SLC6A18: variants seen among roughly 807,000 people sequenced by gnomAD.
The protein encoded by SLC6A18 is inactive sodium-dependent neutral amino acid transporter B(0)AT3.
SLC6A18 carries 58 observed loss-of-function variants against 62.9 expected under a neutral mutation model. The ratio of observed to expected loss-of-function variants is 0.92; its 90% CI spans 0.75 to 1.15. The LOEUF is 1.15. Among genes scored for constraint, SLC6A18 ranks in the 50% most tolerant of loss-of-function variants. The probability of loss-of-function intolerance (pLI) is 0.00; values close to 1 mark genes in which losing one functional copy is unlikely to be tolerated. For synonymous variants in SLC6A18, 382 were observed against 365.8 expected (o/e 1.04, Z -0.51); for missense variants, 793 against 836.6 (o/e 0.95, Z 0.64).
At chr5:1,234,568 G>A (rs888019327) in intron 3 of SLC6A18, among the ~76,000 whole-genome samples, 1 of 152,236 alleles carries the variant, frequency 6.6e-6, no homozygotes, top group African/African-American at 2.4e-5. Context: ...TTTCAGGCAG[G>A]CCGAGAGGAG....
rs776143765 is a variant in SLC6A18, at chr5:1,235,667, G to C, written c.621+5G>C. The C allele has an allele frequency of 3.1e-6, 5 of 1,613,510 alleles. No homozygotes were observed. Among genetic ancestry groups the C allele is most frequent in the Non-Finnish European group, 1.7e-6 (2 of 1,179,828 alleles). ...GGCATTGAGACTACAGGGAAGGTGAGAGCTGGCAGGGCCTGATCCCCTCTC... is the reference window on the plus strand; with the variant it reads ...GGCATTGAGACTACAGGGAAGGTGACAGCTGGCAGGGCCTGATCCCCTCTC... On this transcript the variant is annotated splice_donor_5th_base_variant and intron_variant, in intron 4 of 11. Coordinates refer to ENST00000324642, the MANE Select transcript of SLC6A18 (RefSeq NM_182632.3).
intron 1 of SLC6A18, among the ~76,000 whole-genome samples, chr5:1,229,280 C>T (rs1746662054): frequency 1.3e-5 from 2 of 151,980 alleles, no homozygotes; most frequent in East Asian, 1.9e-4. Flanking sequence ...TCACAGAAAA[C>T]CCTCTCATCT....
At chr5:1,226,855 G>C (rs890563530) in intron 1 of SLC6A18, among the ~76,000 whole-genome samples, 1 of 152,220 alleles carries the variant, frequency 6.6e-6, no homozygotes. Context: ...GGGGGCAGCA[G>C]GCTTCACGCA....
rs1016321405 is a variant in SLC6A18, at chr5:1,225,391, C to T, written c.-87C>T. On this transcript the variant is annotated 5_prime_UTR_variant, in exon 1 of 12. The change creates a new upstream start codon in the 5' untranslated region. Transcript: ENST00000324642. ...AGTGGGGCTGCTTGTGGTTTCCAAA[C>T]GTCGGCAGAGGCTGGAGACGGCTCT... The T allele has an allele frequency of 1.0e-4, 146 of 1,400,054 alleles. No individual in the cohort carries two copies. Among genetic ancestry groups the T allele is most frequent in the Non-Finnish European group, 1.3e-4 (133 of 1,050,312 alleles). 86.7% of individuals were successfully genotyped at this position (1,400,054 alleles called of 1,614,324 possible). A position where few individuals can be genotyped will look rare whatever the true frequency, so the allele number is the denominator to read the frequency against.
chr5:1,228,729 G>C (rs112309489), intron 1 of SLC6A18, among the ~76,000 whole-genome samples: 1 of 152,174 alleles, frequency 6.6e-6, no homozygotes, highest in Non-Finnish European at 1.5e-5. Flanking sequence ...AAAATTAGCC[G>C]GGCGTGCTGG....
chr5:1,239,315 G>A, intron 5 of SLC6A18, 135 bp from the exon 6 acceptor site: 1 of 655,470 alleles, frequency 1.5e-6, no homozygotes, highest in African/African-American at 1.8e-5. Context: ...GTCCTACCCT[G>A]TTCCTGGTGT....
rs1341736278 is a variant in SLC6A18, at chr5:1,238,158, G to A, written c.732+98G>A. On this transcript the variant is annotated intron_variant, in intron 5 of 11. Coordinates refer to ENST00000324642, the MANE Select transcript of SLC6A18 (RefSeq NM_182632.3). Reference sequence around the variant, plus strand: ...CCTCACCTGGGAGCGTGAGAGGCCAGGAGCCACTCCAGCAGCTGGGCTGCC... The same window carrying A: ...CCTCACCTGGGAGCGTGAGAGGCCAAGAGCCACTCCAGCAGCTGGGCTGCC... 1.2e-5 allele frequency: 12 copies of A among 970,448 alleles called. No individual in the cohort carries two copies. In the East Asian group the frequency reaches 2.2e-4, roughly 18 times the overall value. 60.1% of individuals were successfully genotyped at this position (970,448 alleles called of 1,614,324 possible). A position where few individuals can be genotyped will look rare whatever the true frequency, so the allele number is the denominator to read the frequency against.
At chr5:1,227,111 C>A (rs1410189592) in intron 1 of SLC6A18, among the ~76,000 whole-genome samples, 3 of 149,372 alleles carry the variant, frequency 2.0e-5, no homozygotes, top group Admixed American at 1.3e-4. Flanking sequence ...ACGCCTTGCC[C>A]GCCGACGCCT....
chr5:1,242,603 C>T (rs1747092029), intron 7 of SLC6A18, 104 bp from the exon 8 acceptor site: 1 of 1,464,598 alleles, frequency 6.8e-7, no homozygotes, highest in African/African-American at 1.4e-5. Context: ...CAGGAGGGGC[C>T]CAGCCCTCCC....
At chr5:1,228,076 T>C (rs1487600131) in intron 1 of SLC6A18, among the ~76,000 whole-genome samples, 1 of 152,224 alleles carries the variant, frequency 6.6e-6, no homozygotes, top group African/African-American at 2.4e-5. Flanking sequence ...TATTAATTAC[T>C]ATGGCTTCTT....
At chr5:1,233,870 T>C (rs1308468625) in intron 3 of SLC6A18, among the ~76,000 whole-genome samples, 2 of 152,026 alleles carry the variant, frequency 1.3e-5, no homozygotes, top group East Asian at 1.9e-4. Flanking sequence ...GCCTCCCAAA[T>C]AGCTAGGACT....
rs759096869 is a variant in SLC6A18, at chr5:1,244,290, C to CTG, written c.1413_1414insTG (p.Asp472TrpfsTer27). 172 of 1,613,640 alleles carry CTG rather than the reference C, an allele frequency of 1.1e-4. 1 individual carries two copies. The highest frequency in any genetic ancestry group is 1.4e-4 in the Non-Finnish European group (164 of 1,179,984). ...CTGGGAACTACTGGCTGGAGATTTTCGACAATTTTGCCGCTTCCCCGAACC... is the reference window on the plus strand; with the variant it reads ...CTGGGAACTACTGGCTGGAGATTTTCTGGACAATTTTGCCGCTTCCCCGAACC... On this transcript the variant is annotated frameshift_variant, in exon 10 of 12. Transcript: ENST00000324642. LOFTEE classifies it high-confidence loss of function.
chr5:1,234,730 T>C (rs759630709), intron 3 of SLC6A18, among the ~76,000 whole-genome samples: 15 of 152,298 alleles, frequency 9.8e-5, no homozygotes, highest in Non-Finnish European at 1.8e-4. Flanking sequence ...GGGCAGGCAG[T>C]GCCCACTCAG....
At chr5:1,230,598 C>T (rs1057093643) in intron 1 of SLC6A18, among the ~76,000 whole-genome samples, 3 of 152,200 alleles carry the variant, frequency 2.0e-5, no homozygotes, top group Non-Finnish European at 2.9e-5. Flanking sequence ...TCCCTGTGCC[C>T]GTGGCAGTCG....
At chr5:1,230,144 C>T in intron 1 of SLC6A18, among the ~76,000 whole-genome samples, 1 of 100,458 alleles carries the variant, frequency 1.0e-5, no homozygotes. Context: ...GGGGCTTTCA[C>T]AGTGCAGGCT....
chr5:1,243,670 C>A lies in SLC6A18; in HGVS notation c.1247C>A (p.Ser416Ter). 1 of 1,614,056 alleles carries A rather than the reference C, an allele frequency of 6.2e-7. No homozygotes were observed. Among genetic ancestry groups the A allele is most frequent in the Non-Finnish European group, 8.5e-7 (1 of 1,179,978 alleles). ...FFGMLFTLGL[S>*]TMFGTVEAVI... The stretch of plus-strand genomic sequence containing the variant: ...GGGATGCTGTTCACCTTGGGGCTAT[C>A]GACCATGTTCGGGACCGTGGAGGCG... The change falls in exon 9 of 12, where the codon TCG becomes TAG. Residue 416 changes from serine to a stop codon, truncating the protein, a stop_gained. Transcript: ENST00000324642. LOFTEE classifies it high-confidence loss of function. The surrounding 1 kb of genome is among the most constrained non-coding windows in gnomAD (Gnocchi z 6.5).
intron 1 of SLC6A18, among the ~76,000 whole-genome samples, chr5:1,229,172 C>T (rs1017770865): frequency 3.9e-5 from 6 of 152,170 alleles, no homozygotes; most frequent in Admixed American, 3.3e-4. Context: ...ACCACAGAGT[C>T]GACGTTCCTG....
intron 6 of SLC6A18, 125 bp from the exon 7 acceptor site, chr5:1,240,406 G>C (rs1359322458): frequency 7.0e-6 from 10 of 1,432,302 alleles, no homozygotes; most frequent in Non-Finnish European, 9.4e-6. Flanking sequence ...CAGCCCTTGG[G>C]TCAGAGAAGG....
At chr5:1,234,908 A>C (rs1746845079) in intron 3 of SLC6A18, among the ~76,000 whole-genome samples, 1 of 152,180 alleles carries the variant, frequency 6.6e-6, no homozygotes, top group Non-Finnish European at 1.5e-5. Context: ...GGGGCCCCCC[A>C]CATTTCCCCA....
Sources: allele counts gnomAD v4.1 joint callset (sites outside exome capture counted in the v4.1 genomes callset), GRCh38; gene constraint gnomAD v4.1.1; non-coding constraint Gnocchi (gnomAD v3.1); transcripts MANE v1.5; gene names NCBI Gene and HGNC (gene_info 2026-07-23, HGNC 2026-07-21).